Variants in SLC43A3 observed in about 807,000 individuals in gnomAD.
The protein encoded by SLC43A3 is equilibrative nucleobase transporter 1.
Under a neutral mutation model 53.3 loss-of-function variants are expected in SLC43A3, and 33 were observed. That is an observed-to-expected ratio of 0.62 (90% confidence interval 0.47 to 0.83). The LOEUF (loss-of-function observed/expected upper bound fraction) is 0.83. SLC43A3 is among the 40% of genes least tolerant of loss of function. The pLI is 0.00. For missense variants in SLC43A3, 530 were observed against 610.0 expected, an observed-to-expected ratio of 0.87 and a Z score of 1.38; for synonymous variants, 236 against 246.2, an observed-to-expected ratio of 0.96 and a Z score of 0.39.
chr11:57,418,602 G>A (rs948002069), intron 7 of SLC43A3, among the ~76,000 whole-genome samples: 3 of 152,088 alleles, frequency 2.0e-5, no homozygotes, highest in Non-Finnish European at 4.4e-5. Flanking sequence ...AGGCTGAGGT[G>A]AGAGGATATG....
At chr11:57,425,082 T>A (rs1331366861) in intron 4 of SLC43A3, among the ~76,000 whole-genome samples, 3 of 151,948 alleles carry the variant, frequency 2.0e-5, no homozygotes, top group Non-Finnish European at 2.9e-5. Context: ...TAGGGAGTGA[T>A]TGGCTGTTGG....
intron 3 of SLC43A3, 80 bp downstream of exon 3, chr11:57,425,909 G>C: frequency 6.9e-7 from 1 of 1,441,064 alleles, no homozygotes; most frequent in East Asian, 2.3e-5. Context: ...GGGGTGGGCA[G>C]GGGGCAGAGT....
chr11:57,415,267 C>G, intron 9 of SLC43A3, 161 bp from the exon 10 acceptor site: 1 of 1,533,984 alleles, frequency 6.5e-7, no homozygotes, highest in East Asian at 2.5e-5. Flanking sequence ...CGGACTCACA[C>G]ATCCCCACCT....
rs778280929 is a variant in SLC43A3, at chr11:57,425,693, C to G, written c.185-23G>C. 41 of 1,613,326 alleles carry G rather than the reference C, an allele frequency of 2.5e-5. No homozygotes were observed. In the South Asian group the frequency reaches 4.4e-4, roughly 17 times the overall value. ...AGTCTGGAGTAGAAAAAAGGTCTCCCATGCATCCCAGCCTTCCTGCCAAAT... is the reference window on the plus strand; with the variant it reads ...AGTCTGGAGTAGAAAAAAGGTCTCCGATGCATCCCAGCCTTCCTGCCAAAT... On this transcript the variant is annotated intron_variant, in intron 3 of 13. Coordinates refer to ENST00000395124, the MANE Select transcript of SLC43A3 (RefSeq NM_199329.3).
Position 57,414,732 on chromosome 11 carries a change from C to T in SLC43A3, c.944-1G>A, listed in dbSNP as rs1315298862. ...GCAAAGGCATTTGTGTAGGTGCTGA[C>T]TGCAGAAGGAAGAGAGAGGTTGGTT... On this transcript the variant is annotated splice_acceptor_variant, in intron 10 of 13. Transcript: ENST00000395124. LOFTEE classifies it high-confidence loss of function. 6.2e-7 allele frequency: 1 copy of T among 1,612,076 alleles called. No homozygotes were observed. The highest frequency in any genetic ancestry group is 1.7e-5 in the Admixed American group (1 of 59,984).
intron 11 of SLC43A3, among the ~76,000 whole-genome samples, chr11:57,411,948 G>C (rs1942494623): frequency 6.6e-6 from 1 of 151,892 alleles, no homozygotes; most frequent in Admixed American, 6.6e-5. Flanking sequence ...ATAAAAATTT[G>C]AATAAAAATA....
At chr11:57,419,393 G>T (rs142288831) in intron 7 of SLC43A3, among the ~76,000 whole-genome samples, 2 of 152,154 alleles carry the variant, frequency 1.3e-5, no homozygotes, top group South Asian at 4.1e-4. Context: ...TGACGTTGAG[G>T]TCCAGAGAGG....
chr11:57,420,612 C>T (rs1461755250), intron 7 of SLC43A3, among the ~76,000 whole-genome samples: 1 of 152,188 alleles, frequency 6.6e-6, no homozygotes, highest in African/African-American at 2.4e-5. Flanking sequence ...CTTGTCCAAA[C>T]TAGAAGCTCA....
chr11:57,425,719 G>A (rs1354035377), intron 3 of SLC43A3, 49 bp from the exon 4 acceptor site: 5 of 1,609,206 alleles, frequency 3.1e-6, no homozygotes, highest in African/African-American at 1.3e-5. Flanking sequence ...CCTGCCAAAT[G>A]AGCACACAGG....
chr11:57,409,877 C>T, intron 12 of SLC43A3, 58 bp downstream of exon 12: 1 of 1,483,074 alleles, frequency 6.7e-7, no homozygotes, highest in Non-Finnish European at 9.0e-7. Flanking sequence ...TCTTTACCTC[C>T]AGCTTCTCTT....
In SLC43A3 at chr11:57,415,061, C is replaced by A. The variant is rs141277946; in HGVS notation, c.815G>T (p.Ser272Ile). 2.6e-4 allele frequency: 418 copies of A among 1,613,990 alleles called. 3 individuals carry two copies. Among genetic ancestry groups the A allele is most frequent in the South Asian group, 2.2e-3 (199 of 91,064 alleles). ...GQKQELRSFW[S>I]YAFSRRFAWH... is the part of the protein sequence containing the mutation. ...GGCAAAGCGCCGAGAGAAAGCGTAG[C>A]TCCAGAAGGAGCGGAGTTCCTGCTT... is the stretch of plus-strand genomic sequence containing the variant. Residue 272 changes from serine to isoleucine, a missense_variant, in exon 10 of 14, where the codon AGC becomes ATC. Coordinates refer to ENST00000395124, the MANE Select transcript of SLC43A3 (RefSeq NM_199329.3).
chr11:57,410,206 G>A (rs1165477774), intron 11 of SLC43A3, 85 bp from the exon 12 acceptor site: 1 of 1,130,776 alleles, frequency 8.8e-7, no homozygotes, highest in African/African-American at 1.6e-5. Context: ...TGGAAAAAGG[G>A]GAGGAGCCAC....
intron 3 of SLC43A3, 47 bp downstream of exon 3, chr11:57,425,942 G>T: frequency 6.3e-7 from 1 of 1,577,274 alleles, no homozygotes. Context: ...TTGCCACCAC[G>T]TGGGAGCCAG....
Position 57,414,677 on chromosome 11 carries a change from GGGGC to G in SLC43A3, c.994_997del (p.Ala332ProfsTer39). Reference sequence around the variant, plus strand: ...CCGGTCCATGAGCAGGCCATTCCAGGGGGCACACAGCACTCCGAACTGAGTGAAG... The same window carrying G: ...CCGGTCCATGAGCAGGCCATTCCAGGACACAGCACTCCGAACTGAGTGAAG... On this transcript the variant is annotated frameshift_variant, in exon 11 of 14. Transcript: ENST00000395124. LOFTEE classifies it high-confidence loss of function. 6.2e-7 allele frequency: 1 copy of G among 1,614,086 alleles called. No homozygotes were observed. Among genetic ancestry groups the G allele is most frequent in the Non-Finnish European group, 8.5e-7 (1 of 1,180,006 alleles).
rs190578004 is a variant in SLC43A3 at position 57,415,636 on chromosome 11, A to G, written c.770-530T>C. Among the ~76,000 whole-genome samples, 178 of 152,250 alleles carry G rather than the reference A, an allele frequency of 1.2e-3. 1 individual carries two copies. Among genetic ancestry groups the G allele is most frequent in the African/African-American group, 4.0e-3 (168 of 41,548 alleles). On this transcript the variant is annotated intron_variant, in intron 9 of 13. Coordinates refer to ENST00000395124, the MANE Select transcript of SLC43A3 (RefSeq NM_199329.3). ...GTTAACCAATGAGATGGTTCCTCCTAACAAGGCAGACCGGCCATGAGTTTA... is the reference window on the plus strand; with the variant it reads ...GTTAACCAATGAGATGGTTCCTCCTGACAAGGCAGACCGGCCATGAGTTTA...
chr11:57,412,545 G>A lies in SLC43A3; in HGVS notation c.1060+2070C>T, dbSNP rs559251187. On this transcript the variant is annotated intron_variant, in intron 11 of 13. Coordinates refer to ENST00000395124, the MANE Select transcript of SLC43A3 (RefSeq NM_199329.3). ...ATAGAAAATCATCCTTTTGGCCAGG[G>A]GCAGTGGCTGTAATCCCAGAACTTT... 2.0e-5 allele frequency among the ~76,000 whole-genome samples: 3 copies of A among 152,120 alleles called. No homozygotes were observed. In the South Asian group the frequency reaches 6.2e-4, roughly 32 times the overall value.
At chr11:57,409,837 T>A in intron 12 of SLC43A3, 98 bp downstream of exon 12, 1 of 1,185,116 alleles carries the variant, frequency 8.4e-7, no homozygotes, top group Non-Finnish European at 1.2e-6. Context: ...CGCACCTGAC[T>A]GCCTCCAGGC....
At chr11:57,424,955 G>T (rs180824864) in intron 4 of SLC43A3, among the ~76,000 whole-genome samples, 1 of 152,192 alleles carries the variant, frequency 6.6e-6, no homozygotes, top group African/African-American at 2.4e-5. Flanking sequence ...GTGAGATCAC[G>T]TCCCGAACCT....
intron 11 of SLC43A3, among the ~76,000 whole-genome samples, chr11:57,414,072 C>T (rs1165247449): frequency 2.6e-5 from 4 of 152,218 alleles, no homozygotes; most frequent in Non-Finnish European, 5.9e-5. Context: ...TCTCCACCCT[C>T]TAGACTGAGA....
Sources: allele counts gnomAD v4.1 joint callset (sites outside exome capture counted in the v4.1 genomes callset), GRCh38; gene constraint gnomAD v4.1.1; transcripts MANE v1.5; gene names NCBI Gene and HGNC (gene_info 2026-07-23, HGNC 2026-07-21).